The following GSG1L variants were observed in gnomAD, a reference collection of about 807,000 sequenced individuals.
GSG1L encodes germ cell-specific gene 1-like protein.
Under a neutral mutation model 42.1 loss-of-function variants are expected in GSG1L, and 24 were observed. The observed-to-expected ratio is 0.57, with a 90% CI of 0.41 to 0.80. The LOEUF (loss-of-function observed/expected upper bound fraction) is 0.80. GSG1L is among the 30% of genes least tolerant of loss of function. The pLI, the probability that GSG1L is intolerant of heterozygous loss-of-function variation, is 0.00. For synonymous variants in GSG1L, 215 were observed against 203.5 expected, an observed-to-expected ratio of 1.06 and a Z score of -0.48; for missense variants, 445 against 472.2, an observed-to-expected ratio of 0.94 and a Z score of 0.53.
chr16:27,893,512 T>C (rs950068029), intron 2 of GSG1L, among the ~76,000 whole-genome samples: 8 of 152,172 alleles, frequency 5.3e-5, no homozygotes, highest in African/African-American at 1.7e-4. Context: ...TTGGAAAGAG[T>C]TGAAGAAAGT....
chr16:28,031,320 TG>T (rs2085960894), intron 1 of GSG1L, among the ~76,000 whole-genome samples: 1 of 127,982 alleles, frequency 7.8e-6, no homozygotes, highest in Non-Finnish European at 1.6e-5. Flanking sequence ...TGGAATGGGA[TG>T]GGATGGGATG....
rs77934107 is a variant in GSG1L at position 27,859,392 on chromosome 16, A to G, written c.551-14331T>C. Among the ~76,000 whole-genome samples, 87 of 152,356 alleles carry G rather than the reference A, an allele frequency of 5.7e-4. No individual in the cohort carries two copies. The East Asian group carries it at 0.016, about 28-fold the overall frequency. Reference sequence around the variant, plus strand: ...AGCTGGAGTGAGGTCACGCAGAAGCATGGAGGGGGGTCTCGGCACCATGCC... The same window carrying G: ...AGCTGGAGTGAGGTCACGCAGAAGCGTGGAGGGGGGTCTCGGCACCATGCC... On this transcript the variant is annotated intron_variant, in intron 3 of 6. Coordinates refer to ENST00000447459, the MANE Select transcript of GSG1L (RefSeq NM_001109763.2).
chr16:27,910,281 C>A (rs1318093327), intron 2 of GSG1L, among the ~76,000 whole-genome samples: 1 of 151,914 alleles, frequency 6.6e-6, no homozygotes, highest in Non-Finnish European at 1.5e-5. Flanking sequence ...CTTTTCATGC[C>A]CCTCCTGGTC....
At chr16:27,820,875 C>T (rs759349583) in intron 5 of GSG1L, among the ~76,000 whole-genome samples, 10 of 152,144 alleles carry the variant, frequency 6.6e-5, no homozygotes, top group East Asian at 1.9e-4. Context: ...GGCACAACTC[C>T]CATCGAGGCG....
Position 28,059,301 on chromosome 16 carries a change from T to A in GSG1L, c.349+3775A>T, listed in dbSNP as rs1365667613. On this transcript the variant is annotated intron_variant, in intron 1 of 6. Coordinates refer to ENST00000447459, the MANE Select transcript of GSG1L (RefSeq NM_001109763.2). The surrounding 1 kb of genome is among the most constrained non-coding windows in gnomAD (Gnocchi z 4.4). ...ATGCTCCTTCCTACCCCAACGTCTC[T>A]GGGACTGTGGGAGGGGCCACCGCGG... 6.6e-6 allele frequency among the ~76,000 whole-genome samples: 1 copy of A among 152,122 alleles called. No homozygotes were observed. The highest frequency in any genetic ancestry group is 1.5e-5 in the Non-Finnish European group (1 of 68,012).
intron 1 of GSG1L, among the ~76,000 whole-genome samples, chr16:28,052,000 C>T (rs1045486724): frequency 1.3e-5 from 2 of 151,886 alleles, no homozygotes; most frequent in African/African-American, 2.4e-5. Context: ...GCGGAGGAGA[C>T]GGGGAGAAAT....
At position 27,828,778 on chromosome 16, in the gene GSG1L, TG is replaced by T. The variant is rs746938811; in HGVS notation, c.830+10del. 1.9e-6 allele frequency: 3 copies of T among 1,612,916 alleles called. No homozygotes were observed. Among genetic ancestry groups the T allele is most frequent in the Non-Finnish European group, 2.5e-6 (3 of 1,179,190 alleles). Reference sequence around the variant, plus strand: ...CCCGTGGTGGCCAGAGGTAACCCCCTGTGCACTGACCTCTCCCGGAAGTACT... The same window carrying T: ...CCCGTGGTGGCCAGAGGTAACCCCCTTGCACTGACCTCTCCCGGAAGTACT... On this transcript the variant is annotated intron_variant, in intron 5 of 6. Transcript: ENST00000447459.
intron 1 of GSG1L, among the ~76,000 whole-genome samples, chr16:27,965,364 T>G (rs1029461163): frequency 1.3e-5 from 2 of 152,116 alleles, no homozygotes; most frequent in African/African-American, 4.8e-5. Flanking sequence ...TTTTAAGTAA[T>G]TTTAAAATTA....
chr16:28,038,121 C>T (rs2086060963), intron 1 of GSG1L, among the ~76,000 whole-genome samples: 1 of 152,186 alleles, frequency 6.6e-6, no homozygotes, highest in Non-Finnish European at 1.5e-5. Context: ...GAATTCCTCA[C>T]TGCTGATAAA....
At chr16:27,936,900 G>A (rs2084724700) in intron 2 of GSG1L, among the ~76,000 whole-genome samples, 1 of 152,152 alleles carries the variant, frequency 6.6e-6, no homozygotes, top group Admixed American at 6.6e-5. Context: ...TCCAGGGCAG[G>A]AAAGTCATTG....
At chr16:27,926,628 G>A (rs956096248) in intron 2 of GSG1L, among the ~76,000 whole-genome samples, 2 of 152,228 alleles carry the variant, frequency 1.3e-5, no homozygotes, top group Admixed American at 1.3e-4. Flanking sequence ...GGCAAAGGTT[G>A]CAGTGAGCTG....
intron 2 of GSG1L, among the ~76,000 whole-genome samples, chr16:27,927,205 A>G (rs1273487171): frequency 1.3e-5 from 2 of 151,958 alleles, no homozygotes; most frequent in African/African-American, 4.8e-5. Flanking sequence ...GCTGGAGTGC[A>G]GTGGTGTGAA....
At chr16:27,894,396 T>G (rs980060643) in intron 2 of GSG1L, among the ~76,000 whole-genome samples, 4 of 152,216 alleles carry the variant, frequency 2.6e-5, no homozygotes, top group African/African-American at 9.6e-5. Flanking sequence ...AAAACCTTTA[T>G]GAGGATCAGA....
chr16:28,017,338 A>G (rs1427826149), intron 1 of GSG1L, among the ~76,000 whole-genome samples: 1 of 152,236 alleles, frequency 6.6e-6, no homozygotes, highest in Non-Finnish European at 1.5e-5. Flanking sequence ...GTCAGCGAGG[A>G]CGTGGGCAAC....
intron 2 of GSG1L, among the ~76,000 whole-genome samples, chr16:27,890,838 C>T (rs2084116612): frequency 6.6e-6 from 1 of 152,202 alleles, no homozygotes; most frequent in Non-Finnish European, 1.5e-5. Flanking sequence ...TTGGAGTCAA[C>T]AGGATGCCTC....
chr16:27,986,070 C>T (rs2085378002), intron 1 of GSG1L, among the ~76,000 whole-genome samples: 1 of 152,136 alleles, frequency 6.6e-6, no homozygotes. Flanking sequence ...AGTACTATGA[C>T]AGAATATGAC....
intron 5 of GSG1L, among the ~76,000 whole-genome samples, chr16:27,814,988 G>T (rs1331565314): frequency 6.6e-6 from 1 of 151,700 alleles, no homozygotes. Flanking sequence ...TGTGTGCAGT[G>T]GTACAATCAT....
chr16:27,796,936 C>T (rs574513080), intron 6 of GSG1L, among the ~76,000 whole-genome samples: 2 of 152,156 alleles, frequency 1.3e-5, no homozygotes, highest in South Asian at 2.1e-4. Context: ...GCCCTCCCCC[C>T]GGGTGCTCAC....
chr16:27,976,037 G>A (rs900221758), intron 1 of GSG1L, among the ~76,000 whole-genome samples: 7 of 152,334 alleles, frequency 4.6e-5, no homozygotes, highest in Non-Finnish European at 8.8e-5. Context: ...CACTTTTGGA[G>A]GCTGAGGTGG....
Sources: gnomAD v4.1 joint callset for allele counts (sites outside exome capture counted in the v4.1 genomes callset) on GRCh38, gnomAD v4.1.1 for gene constraint, Gnocchi (gnomAD v3.1) non-coding constraint, MANE v1.5 for transcripts, NCBI Gene and HGNC (gene_info 2026-07-23, HGNC 2026-07-21) for gene names.